Variants in MGAT4C observed in about 807,000 individuals in gnomAD.
The protein encoded by MGAT4C is alpha-1,3-mannosyl-glycoprotein 4-beta-N-acetylglucosaminyltransferase C.
In MGAT4C, 19 loss-of-function variants were observed where a neutral mutation model predicts 40.1. The observed-to-expected ratio is 0.47, with a 90% CI of 0.33 to 0.70. MGAT4C has a LOEUF of 0.70. MGAT4C is among the 30% of genes least tolerant of loss of function. MGAT4C has a pLI of 0.02. For missense variants in MGAT4C, 491 were observed against 563.2 expected (o/e 0.87, Z 1.30); for synonymous variants, 181 against 187.1 (o/e 0.97, Z 0.27).
intron 1 of MGAT4C, among the ~76,000 whole-genome samples, chr12:86,825,621 G>A (rs548581487): frequency 6.6e-6 from 1 of 151,474 alleles, no homozygotes; most frequent in South Asian, 2.1e-4. Context: ...AGGAAAAATG[G>A]AAACACATTA....
chr12:86,667,049 C>G (rs1379362819), intron 2 of MGAT4C, among the ~76,000 whole-genome samples: 2 of 152,152 alleles, frequency 1.3e-5, no homozygotes, highest in Non-Finnish European at 2.9e-5. Context: ...TTGCTCTATA[C>G]CACTGCTGCT....
At chr12:86,819,450 C>T (rs999557383) in intron 1 of MGAT4C, among the ~76,000 whole-genome samples, 1 of 150,798 alleles carries the variant, frequency 6.6e-6, no homozygotes, top group Non-Finnish European at 1.5e-5. Context: ...TTTATTCTTT[C>T]TCTAGAAACT....
intron 1 of MGAT4C, among the ~76,000 whole-genome samples, chr12:86,122,233 TA>T (rs2135684632): frequency 6.6e-6 from 1 of 152,298 alleles, no homozygotes; most frequent in South Asian, 2.1e-4. Context: ...GTACTCATTT[TA>T]AAAATGTATG....
chr12:86,753,833 C>A (rs147777349), intron 1 of MGAT4C, among the ~76,000 whole-genome samples: 1 of 151,496 alleles, frequency 6.6e-6, no homozygotes, highest in African/African-American at 2.4e-5. Flanking sequence ...TTTAGACTGC[C>A]TAAGATTTAA....
At chr12:86,157,616 A>C (rs956519177) in intron 1 of MGAT4C, among the ~76,000 whole-genome samples, 1 of 152,102 alleles carries the variant, frequency 6.6e-6, no homozygotes, top group Non-Finnish European at 1.5e-5. Context: ...AAAAGAAAAA[A>C]AAAGAAAAGA....
At chr12:86,240,677 T>C (rs1951747654) in intron 1 of MGAT4C, among the ~76,000 whole-genome samples, 1 of 152,152 alleles carries the variant, frequency 6.6e-6, no homozygotes, top group Non-Finnish European at 1.5e-5. Flanking sequence ...TCCAAAATCA[T>C]TTGAGGGAAG....
At chr12:85,999,923 A>G (rs1283119200) in intron 2 of MGAT4C, among the ~76,000 whole-genome samples, 1 of 152,184 alleles carries the variant, frequency 6.6e-6, no homozygotes, top group Admixed American at 6.5e-5. Flanking sequence ...GACAGGAAGT[A>G]TAAGTTCTTG....
intron 2 of MGAT4C, among the ~76,000 whole-genome samples, chr12:86,523,516 G>T (rs1176833630): frequency 1.3e-5 from 2 of 152,038 alleles, no homozygotes; most frequent in Non-Finnish European, 2.9e-5. Context: ...ACCACGTGAT[G>T]AACTTTATAT....
intron 2 of MGAT4C, among the ~76,000 whole-genome samples, chr12:86,476,702 A>G (rs1957840061): frequency 6.6e-6 from 1 of 152,174 alleles, no homozygotes; most frequent in Non-Finnish European, 1.5e-5. Context: ...GGTGGATTGG[A>G]TAAAGAAAAT....
rs543548774 is a variant in MGAT4C, at chr12:86,287,464, T to C, written c.-57+46601A>G. On this transcript the variant is annotated intron_variant, in intron 4 of 7. Coordinates refer to the MGAT4C transcript ENST00000548651. ...GTGGTTTGCTGCACCCATCAACCTATCAACTACATTAGGTATTTCTCCTAA... is the reference window on the plus strand; with the variant it reads ...GTGGTTTGCTGCACCCATCAACCTACCAACTACATTAGGTATTTCTCCTAA... Among the ~76,000 whole-genome samples the C allele has an allele frequency of 7.2e-5, 11 of 152,178 alleles. No individual in the cohort carries two copies. The South Asian group carries it at 8.3e-4, about 11-fold the overall frequency.
chr12:86,523,132 T>A (rs1363058728), intron 2 of MGAT4C, among the ~76,000 whole-genome samples: 2 of 152,000 alleles, frequency 1.3e-5, no homozygotes, highest in Admixed American at 6.6e-5. Flanking sequence ...TATTGTCTTC[T>A]AGTTTTGTGT....
At chr12:86,576,943 C>T (rs564652289) in intron 2 of MGAT4C, among the ~76,000 whole-genome samples, 96 of 151,946 alleles carry the variant, frequency 6.3e-4, no homozygotes, top group African/African-American at 2.2e-3. Context: ...ATTGATTCTT[C>T]CAATCTATGC....
Position 86,756,916 on chromosome 12 carries a change from T to G in MGAT4C, c.-261-29675A>C, listed in dbSNP as rs527368475. Reference sequence around the variant, plus strand: ...GGAAAAAACATTACTTTGCTTCAAATGTATAACAAAATCATAATAAGCCTT... The same window carrying G: ...GGAAAAAACATTACTTTGCTTCAAAGGTATAACAAAATCATAATAAGCCTT... On this transcript the variant is annotated intron_variant, in intron 1 of 7. Transcript: ENST00000548651. 5.9e-5 allele frequency among the ~76,000 whole-genome samples: 9 copies of G among 152,294 alleles called. No individual in the cohort carries two copies. In the South Asian group the frequency reaches 1.9e-3, roughly 32 times the overall value.
At chr12:86,250,188 T>A (rs1952209074) in intron 1 of MGAT4C, among the ~76,000 whole-genome samples, 1 of 152,138 alleles carries the variant, frequency 6.6e-6, no homozygotes, top group Admixed American at 6.6e-5. Flanking sequence ...TCTACAAGAT[T>A]ATAAACAGTG....
rs1238165347 is a variant in MGAT4C, at chr12:85,979,806, G to T, written c.920C>A (p.Ser307Tyr). The change falls in exon 5 of 5, where the codon TCT (serine) becomes TAT (tyrosine). Residue 307 changes from serine to tyrosine, a missense_variant. Transcript: ENST00000611864. Reference sequence around the variant, plus strand: ...ATAATAGCCCATGTGCTGAAAGAGAGATGGTTTAAAACGGATCACATTTTT... The same window carrying T: ...ATAATAGCCCATGTGCTGAAAGAGATATGGTTTAAAACGGATCACATTTTT... ...AQKNVIRFKPSLFQHMGYYSS... is the reference protein window; with the variant it reads ...AQKNVIRFKPYLFQHMGYYSS... 4 of 1,613,752 alleles carry T rather than the reference G, an allele frequency of 2.5e-6. No homozygotes were observed. Among genetic ancestry groups the T allele is most frequent in the Non-Finnish European group, 3.4e-6 (4 of 1,179,816 alleles).
At chr12:86,301,754 T>A (rs1368452892) in intron 4 of MGAT4C, among the ~76,000 whole-genome samples, 1 of 152,222 alleles carries the variant, frequency 6.6e-6, no homozygotes, top group East Asian at 1.9e-4. Flanking sequence ...CATGCCATAT[T>A]TCTTCACATA....
intron 4 of MGAT4C, among the ~76,000 whole-genome samples, chr12:86,292,746 T>C (rs1295743192): frequency 1.3e-5 from 2 of 152,270 alleles, no homozygotes; most frequent in East Asian, 3.9e-4. Context: ...ATTTTAATCA[T>C]GTTGGTAGAA....
chr12:86,724,983 G>C (rs570381606), intron 2 of MGAT4C, among the ~76,000 whole-genome samples: 166 of 152,156 alleles, frequency 1.1e-3, no homozygotes, highest in Admixed American at 3.5e-3. Flanking sequence ...TAAGTTCTTT[G>C]AAACATCATG....
intron 1 of MGAT4C, chr12:86,727,312 C>G (rs1950838145): frequency 6.6e-6 from 1 of 152,038 alleles, no homozygotes; most frequent in Non-Finnish European, 1.5e-5. Context: ...GAATTATAAA[C>G]AGCTATGTAA....
Sources: allele counts gnomAD v4.1 joint callset (sites outside exome capture counted in the v4.1 genomes callset), GRCh38; gene constraint gnomAD v4.1.1; transcripts MANE v1.5; gene names NCBI Gene and HGNC (gene_info 2026-07-23, HGNC 2026-07-21).